DAG1: variants seen among roughly 807,000 people sequenced by gnomAD.
DAG1 encodes dystroglycan 1 (dystrophin-associated glycoprotein 1).
DAG1 carries 8 observed loss-of-function variants against 46.1 expected under a neutral mutation model. The observed-to-expected ratio is 0.17, with a 90% CI of 0.10 to 0.31. The LOEUF (loss-of-function observed/expected upper bound fraction) is 0.31, where lower values mean the gene tolerates loss of function less well. DAG1 is among the 10% of genes least tolerant of loss of function. The pLI is 1.00. For synonymous variants in DAG1, 495 were observed against 481.8 expected (o/e 1.03, Z -0.36); for missense variants, 1,003 against 1,189.9 (o/e 0.84, Z 2.31).
intron 1 of DAG1, chr3:49,471,178 T>C (rs1020463608): frequency 4.6e-5 from 7 of 152,228 alleles, no homozygotes; most frequent in African/African-American, 1.4e-4. Context: ...AAGTTTTGAC[T>C]GGTTGAGGCA....
At position 49,533,226 on chromosome 3, in the gene DAG1, G is replaced by A. The variant is rs2051418993; in HGVS notation, c.*27G>A. The A allele has an allele frequency of 6.2e-7, 1 of 1,607,182 alleles. No homozygotes were observed. ...CCGCAAGCGCCTGGGTGGAGGCAGG[G>A]TAGGGCAGGGGCCTGGAGACGACAT... On this transcript the variant is annotated 3_prime_UTR_variant, in exon 3 of 3. Coordinates refer to ENST00000308775, the MANE Select transcript of DAG1 (RefSeq NM_004393.6).
At chr3:49,479,054 A>G (rs1575340086) in intron 1 of DAG1, among the ~76,000 whole-genome samples, 1 of 151,394 alleles carries the variant, frequency 6.6e-6, no homozygotes, top group East Asian at 1.9e-4. Flanking sequence ...TGATCCTCCC[A>G]CCTCAGCCTC....
intron 2 of DAG1, among the ~76,000 whole-genome samples, chr3:49,526,553 AAAAG>A (rs1422126004): frequency 6.6e-6 from 1 of 152,056 alleles, no homozygotes; most frequent in Non-Finnish European, 1.5e-5. Context: ...TAAAAAAAGA[AAAAG>A]AAAAAAAAAA....
intron 2 of DAG1, among the ~76,000 whole-genome samples, chr3:49,515,641 C>T (rs1176455317): frequency 1.3e-5 from 2 of 152,082 alleles, no homozygotes; most frequent in Non-Finnish European, 2.9e-5. Flanking sequence ...CTGCCTCAGC[C>T]TCCCAAAGTG....
At chr3:49,495,909 A>C (rs1215036879) in intron 1 of DAG1, among the ~76,000 whole-genome samples, 3 of 151,984 alleles carry the variant, frequency 2.0e-5, no homozygotes, top group African/African-American at 7.2e-5. Context: ...CGACAGAGCG[A>C]GACTCCGTCT....
chr3:49,515,272 T>G (rs1369187275), intron 2 of DAG1, among the ~76,000 whole-genome samples: 1 of 73,930 alleles, frequency 1.4e-5, no homozygotes, highest in Non-Finnish European at 3.3e-5. Context: ...CCCGGGCCTA[T>G]TTTTTTTTTT....
intron 2 of DAG1, among the ~76,000 whole-genome samples, chr3:49,522,719 C>A (rs1331545803): frequency 1.3e-5 from 2 of 152,130 alleles, no homozygotes; most frequent in Non-Finnish European, 2.9e-5. Context: ...TTTTCAAGAT[C>A]TTTTTTTCCT....
chr3:49,533,149 C>T lies in DAG1; in HGVS notation c.2638C>T (p.Pro880Ser). 1 of 1,614,146 alleles carries T rather than the reference C, an allele frequency of 6.2e-7. No homozygotes were observed. The highest frequency in any genetic ancestry group is 8.5e-7 in the Non-Finnish European group (1 of 1,180,042). Reference sequence around the variant, plus strand: ...ACCCATGGAGGGCAAGGGCTCCCGTCCCAAGAACATGACCCCATACCGGTC... The same window carrying T: ...ACCCATGGAGGGCAAGGGCTCCCGTTCCAAGAACATGACCCCATACCGGTC... Reference protein sequence around the residue: ...TAPMEGKGSRPKNMTPYRSPP... With the variant: ...TAPMEGKGSRSKNMTPYRSPP... Residue 880 changes from proline (P) to serine (S), a missense_variant, in exon 3 of 3, where the codon CCC becomes TCC. Coordinates refer to ENST00000308775, the MANE Select transcript of DAG1 (RefSeq NM_004393.6).
intron 2 of DAG1, among the ~76,000 whole-genome samples, chr3:49,516,421 C>G (rs914601115): frequency 6.6e-6 from 1 of 152,230 alleles, no homozygotes; most frequent in Non-Finnish European, 1.5e-5. Flanking sequence ...CCACAGTGTA[C>G]TATGGTCTTG....
chr3:49,492,808 G>A (rs1389333745), intron 1 of DAG1: 1 of 152,084 alleles, frequency 6.6e-6, no homozygotes, highest in Non-Finnish European at 1.5e-5. Context: ...CATGGAAGGT[G>A]TGTTCTTCTT....
chr3:49,532,383 C>T lies in DAG1; in HGVS notation c.1872C>T (p.His624=), dbSNP rs2051379587. 6.2e-7 allele frequency: 1 copy of T among 1,614,070 alleles called. No individual in the cohort carries two copies. Among genetic ancestry groups the T allele is most frequent in the Admixed American group, 1.7e-5 (1 of 60,012 alleles). Residue 624 remains histidine, a synonymous_variant, in exon 3 of 3, where the codon CAC becomes CAT. Coordinates refer to ENST00000308775, the MANE Select transcript of DAG1 (RefSeq NM_004393.6). This position sits in a 1 kb window ranked among gnomAD's most constrained non-coding sequence, Gnocchi z 5.4. The stretch of plus-strand genomic sequence containing the variant: ...CGGCACTGGTGTTGAATGACATCCA[C>T]AAGAAGATTGCCTTGGTAAAGAAAC... The part of the protein sequence containing the change: ...GDPALVLNDI[H]KKIALVKKLA...
chr3:49,515,323 T>C (rs1575392813), intron 2 of DAG1, among the ~76,000 whole-genome samples: 1 of 151,756 alleles, frequency 6.6e-6, no homozygotes, highest in East Asian at 1.9e-4. Flanking sequence ...AGTATTTTTT[T>C]ACCTGTAGTC....
chr3:49,521,680 G>A (rs1374299569), intron 2 of DAG1, among the ~76,000 whole-genome samples: 1 of 152,100 alleles, frequency 6.6e-6, no homozygotes, highest in Non-Finnish European at 1.5e-5. Context: ...AGTGCCTACA[G>A]GTGCTGTATC....
intron 1 of DAG1, chr3:49,493,036 C>CTTTTTTTTTTTTTTTTTTT (rs55708660): frequency 2.3e-5 from 2 of 86,380 alleles, no homozygotes; most frequent in Non-Finnish European, 4.1e-5. Context: ...TATTTTTATT[C>CTTTTTTTTTTTTTTTTTTT]TTTTTTTTTT....
At chr3:49,508,517 G>A (rs2050672737) in intron 1 of DAG1, among the ~76,000 whole-genome samples, 1 of 152,058 alleles carries the variant, frequency 6.6e-6, no homozygotes, top group South Asian at 2.1e-4. Flanking sequence ...TCCTGCCTCA[G>A]CCTCCTAAGT....
chr3:49,500,013 C>T (rs1437580009), intron 1 of DAG1, among the ~76,000 whole-genome samples: 1 of 148,544 alleles, frequency 6.7e-6, no homozygotes, highest in East Asian at 2.0e-4. Flanking sequence ...CTTGCTCTGT[C>T]GCCCAGTCTG....
Position 49,531,070 on chromosome 3 carries a change from C to T in DAG1, c.559C>T (p.Pro187Ser), listed in dbSNP as rs145540662. The T allele has an allele frequency of 2.5e-5, 41 of 1,614,148 alleles. No individual in the cohort carries two copies. Among genetic ancestry groups the T allele is most frequent in the Admixed American group, 8.3e-5 (5 of 60,030 alleles). ...VVSSACAADEPVTVLTVILDA... is the reference protein window; with the variant it reads ...VVSSACAADESVTVLTVILDA... ...ATCATCTGCCTGTGCTGCGGATGAACCTGTGACTGTTTTGACGGTGATTTT... is the reference window on the plus strand; with the variant it reads ...ATCATCTGCCTGTGCTGCGGATGAATCTGTGACTGTTTTGACGGTGATTTT... Residue 187 changes from proline to serine, a missense_variant, in exon 3 of 3, where the codon CCT becomes TCT. Physicochemically the swap from Pro to Ser is moderately conservative, Grantham distance 74. Around this residue, in one of 3 missense-constraint regions of DAG1, gnomAD observed 196 missense variants for 239.1 expected, o/e 0.82. Coordinates refer to ENST00000308775, the MANE Select transcript of DAG1 (RefSeq NM_004393.6). The surrounding 1 kb of genome is among the most constrained non-coding windows in gnomAD (Gnocchi z 7.0).
At chr3:49,520,668 T>G (rs1017626963) in intron 2 of DAG1, among the ~76,000 whole-genome samples, 1 of 152,204 alleles carries the variant, frequency 6.6e-6, no homozygotes, top group Non-Finnish European at 1.5e-5. Context: ...AGGGCTGACA[T>G]GTCCAGAGGT....
rs1217933283 is a variant in DAG1 at position 49,531,043 on chromosome 3, G to T, written c.532G>T (p.Val178Leu). ...AGCCTCCCCAGACCCTGGTGAGGTGGTATCATCTGCCTGTGCTGCGGATGA... is the reference window on the plus strand; with the variant it reads ...AGCCTCCCCAGACCCTGGTGAGGTGTTATCATCTGCCTGTGCTGCGGATGA... ...RTASPDPGEV[V>L]SSACAADEPV... The change falls in exon 3 of 3, where the codon GTA (valine) becomes TTA (leucine). Residue 178 changes from valine (V) to leucine (L), a missense_variant. Val to Leu is a conservative substitution (Grantham distance 32). Around this residue, in one of 3 missense-constraint regions of DAG1, gnomAD observed 196 missense variants for 239.1 expected, o/e 0.82. Transcript: ENST00000308775. This position sits in a 1 kb window ranked among gnomAD's most constrained non-coding sequence, Gnocchi z 7.0. 6.2e-7 allele frequency: 1 copy of T among 1,614,196 alleles called. No homozygotes were observed. The highest frequency in any genetic ancestry group is 1.3e-5 in the African/African-American group (1 of 75,044).
Sources: gnomAD v4.1 joint callset for allele counts (sites outside exome capture counted in the v4.1 genomes callset) on GRCh38, gnomAD v4.1.1 for gene constraint, gnomAD v4.1.1 regional missense constraint, Gnocchi (gnomAD v3.1) non-coding constraint, MANE v1.5 for transcripts, NCBI Gene and HGNC (gene_info 2026-07-23, HGNC 2026-07-21) for gene names.